The following SMTNL2 variants were observed in gnomAD, a reference collection of about 807,000 sequenced individuals.
The protein encoded by SMTNL2 is smoothelin like 2, also known as smoothelin-like protein 2.
A neutral mutation model predicts 44.1 loss-of-function variants in SMTNL2; 43 were observed. The ratio of observed to expected loss-of-function variants is 0.98; its 90% CI spans 0.76 to 1.26. The LOEUF (loss-of-function observed/expected upper bound fraction) is 1.26, where lower values mean the gene tolerates loss of function less well. SMTNL2 is among the 50% of genes most tolerant of loss of function. The pLI is 0.00. For synonymous variants in SMTNL2, 317 were observed against 287.6 expected (o/e 1.10, Z -1.03); for missense variants, 646 against 670.2 (o/e 0.96, Z 0.40).
chr17:4,593,059 G>T lies in SMTNL2; in HGVS notation c.618G>T (p.Arg206Ser). ...CGGCCATCACCCGAGTCTCTGACAG[G>T]TTCTCTGGGGAGACCTCAGCTGCGG... ...PVTAITRVSD[R>S]FSGETSAAAL... Residue 206 changes from arginine (R) to serine (S), a missense_variant, in exon 3 of 8, where the codon AGG becomes AGT. By Grantham distance (110) the Arg-to-Ser change is moderately radical. Transcript: ENST00000389313. 1 of 1,614,056 alleles carries T rather than the reference G, an allele frequency of 6.2e-7. No homozygotes were observed. Among genetic ancestry groups the T allele is most frequent in the Non-Finnish European group, 8.5e-7 (1 of 1,179,988 alleles).
In SMTNL2 at chr17:4,592,782, G is replaced by A; in HGVS notation, c.488-147G>A. ...TGGAGCAGTAAGATATCCCTGGTAGGGGAGGTCAGAGAGGCTGGAGCAGTC... is the reference window on the plus strand; with the variant it reads ...TGGAGCAGTAAGATATCCCTGGTAGAGGAGGTCAGAGAGGCTGGAGCAGTC... On this transcript the variant is annotated intron_variant, in intron 2 of 7. Coordinates refer to ENST00000389313, the MANE Select transcript of SMTNL2 (RefSeq NM_001114974.2). The surrounding 1 kb of genome is among the most constrained non-coding windows in gnomAD (Gnocchi z 4.5). The A allele has an allele frequency of 1.8e-6, 2 of 1,082,166 alleles. No individual in the cohort carries two copies. The highest frequency in any genetic ancestry group is 2.6e-6 in the Non-Finnish European group (2 of 764,252). 67.0% of individuals were successfully genotyped at this position (1,082,166 alleles called of 1,614,324 possible). A position where few individuals can be genotyped will look rare whatever the true frequency, so the allele number is the denominator to read the frequency against.
chr17:4,596,072 CGTGGT>C (rs1909796892), intron 5 of SMTNL2, among the ~76,000 whole-genome samples: 3 of 110,068 alleles, frequency 2.7e-5, no homozygotes, highest in Non-Finnish European at 6.4e-5. Flanking sequence ...GTGGCCCACG[CGTGGT>C]ATTGATGCCT....
At chr17:4,587,972 C>T (rs908215460) in intron 1 of SMTNL2, among the ~76,000 whole-genome samples, 7 of 152,166 alleles carry the variant, frequency 4.6e-5, no homozygotes, top group African/African-American at 1.4e-4. Context: ...TCCCTATGCC[C>T]GAGGCAGCGG....
Position 4,592,496 on chromosome 17 carries a change from A to G in SMTNL2, c.487+48A>G, listed in dbSNP as rs749996020. On this transcript the variant is annotated intron_variant, in intron 2 of 7. Transcript: ENST00000389313. The surrounding 1 kb of genome is among the most constrained non-coding windows in gnomAD (Gnocchi z 4.5). ...GGTGGCTGGGTAGGTTTGGGGGTTAAGTAAGGCCTTGGTCAGGTATCTGTG... is the reference window on the plus strand; with the variant it reads ...GGTGGCTGGGTAGGTTTGGGGGTTAGGTAAGGCCTTGGTCAGGTATCTGTG... 1.9e-5 allele frequency: 29 copies of G among 1,561,412 alleles called. No homozygotes were observed. Among genetic ancestry groups the G allele is most frequent in the Non-Finnish European group, 2.4e-5 (28 of 1,145,860 alleles).
intron 5 of SMTNL2, 83 bp from the exon 6 acceptor site, chr17:4,596,777 A>C (rs9906333): frequency 1.6e-6 from 2 of 1,246,090 alleles, no homozygotes; most frequent in Non-Finnish European, 2.1e-6. Context: ...TGGTGGTGCC[A>C]GGACAGCCTC....
chr17:4,596,754 G>A (rs935505722), intron 5 of SMTNL2, 106 bp from the exon 6 acceptor site: 1 of 1,017,164 alleles, frequency 9.8e-7, no homozygotes, highest in Non-Finnish European at 1.4e-6. Context: ...AGAGCAGGTG[G>A]GAGCACCCTC....
Position 4,598,538 on chromosome 17 carries a change from C to T in SMTNL2, c.1259+1215C>T, listed in dbSNP as rs1427620992. On this transcript the variant is annotated intron_variant, in intron 7 of 7. Transcript: ENST00000389313. This position sits in a 1 kb window ranked among gnomAD's most constrained non-coding sequence, Gnocchi z 4.8. The stretch of plus-strand genomic sequence containing the variant: ...CTCAGTGCCCACATTTAAGAGTGGT[C>T]CTTGGCCGGGCACGGTGGCTCCCAC... Among the ~76,000 whole-genome samples the T allele has an allele frequency of 1.3e-5, 2 of 152,126 alleles. No individual in the cohort carries two copies. Among genetic ancestry groups the T allele is most frequent in the Admixed American group, 6.5e-5 (1 of 15,270 alleles).
At chr17:4,604,861 G>A (rs894279785) in intron 7 of SMTNL2, among the ~76,000 whole-genome samples, 3 of 151,786 alleles carry the variant, frequency 2.0e-5, no homozygotes, top group Non-Finnish European at 2.9e-5. Flanking sequence ...AGTAGAGACA[G>A]GGTTTCACCA....
intron 7 of SMTNL2, among the ~76,000 whole-genome samples, chr17:4,606,159 G>GC (rs1002864179): frequency 1.1e-4 from 17 of 151,544 alleles, no homozygotes; most frequent in African/African-American, 3.4e-4. Flanking sequence ...TTCTTGCTCT[G>GC]CCCCCAGGCT....
chr17:4,589,929 C>T (rs1414852797), intron 1 of SMTNL2, among the ~76,000 whole-genome samples: 4 of 137,592 alleles, frequency 2.9e-5, no homozygotes, highest in African/African-American at 1.1e-4. Context: ...TGCCTTTGGA[C>T]GCACCTGGCT....
Position 4,593,806 on chromosome 17 carries a change from CCTCT to C in SMTNL2, c.731-11_731-8del. The C allele has an allele frequency of 6.2e-7, 1 of 1,612,846 alleles. No individual in the cohort carries two copies. The highest frequency in any genetic ancestry group is 8.5e-7 in the Non-Finnish European group (1 of 1,179,746). On this transcript the variant is annotated splice_polypyrimidine_tract_variant and intron_variant, in intron 3 of 7. Transcript: ENST00000389313. ...GGGGCCAGGGTTTGTTACTTCTCTC[CCTCT>C]CTCTTCCACAGAGAAGAATTCCTCT...
rs1202562304 is a variant in SMTNL2 at position 4,595,463 on chromosome 17, G to A, written c.989+136G>A. 2 of 1,293,898 alleles carry A rather than the reference G, an allele frequency of 1.5e-6. No individual in the cohort carries two copies. The highest frequency in any genetic ancestry group is 2.5e-5 in the East Asian group (1 of 39,380). 80.2% of individuals were successfully genotyped at this position (1,293,898 alleles called of 1,614,324 possible). A position where few individuals can be genotyped will look rare whatever the true frequency, so the allele number is the denominator to read the frequency against. ...GCTGTTGCCCAGGACAAGATCTCTT[G>A]GGCAAGGCACAAAGTTAGGGCTGGG... On this transcript the variant is annotated intron_variant, in intron 5 of 7. Coordinates refer to ENST00000389313, the MANE Select transcript of SMTNL2 (RefSeq NM_001114974.2). This position sits in a 1 kb window ranked among gnomAD's most constrained non-coding sequence, Gnocchi z 5.1.
intron 7 of SMTNL2, among the ~76,000 whole-genome samples, chr17:4,597,951 T>C (rs188275242): frequency 2.4e-4 from 36 of 152,204 alleles, no homozygotes; most frequent in African/African-American, 7.9e-4. Flanking sequence ...CAAAGTCAGG[T>C]CTGTCTGCCA....
chr17:4,586,209 C>T (rs369764853), intron 1 of SMTNL2, among the ~76,000 whole-genome samples: 4 of 152,132 alleles, frequency 2.6e-5, no homozygotes, highest in South Asian at 4.1e-4. Context: ...GGGCTTTGCC[C>T]GGCCTGTAAG....
intron 7 of SMTNL2, among the ~76,000 whole-genome samples, chr17:4,602,520 A>G (rs1291664165): frequency 1.3e-5 from 2 of 151,758 alleles, no homozygotes; most frequent in African/African-American, 4.8e-5. Context: ...ATGGGGTTTC[A>G]CCATGTTGGC....
At chr17:4,585,879 T>C (rs2326069) in intron 1 of SMTNL2, among the ~76,000 whole-genome samples, 146,799 of 152,206 alleles carry the variant, frequency 0.96, 70,895 homozygotes, top group East Asian at 1. Flanking sequence ...GGCTGGACCC[T>C]AGGGGGCCTG....
rs1013822294 is a variant in SMTNL2 at position 4,608,213 on chromosome 17, G to C, written c.*726G>C. The C allele has an allele frequency of 6.6e-6, 1 of 152,204 alleles. No homozygotes were observed. Among genetic ancestry groups the C allele is most frequent in the African/African-American group, 2.4e-5 (1 of 41,452 alleles). 9.4% of individuals were successfully genotyped at this position (152,204 alleles called of 1,614,324 possible). A position where few individuals can be genotyped will look rare whatever the true frequency, so the allele number is the denominator to read the frequency against. ...AATAGGCCCTTTGTGCTGAGAGAGA[G>C]TTTTTATTCACATCTTTTTTAGGGG... On this transcript the variant is annotated 3_prime_UTR_variant, in exon 8 of 8. Transcript: ENST00000389313.
In SMTNL2 at chr17:4,584,542, A is replaced by G. The variant is rs1457163575; in HGVS notation, c.-64A>G. ...CCACGGACGGCCAGTCGCGGCCCGG[A>G]GCTGCGGAGCTCGGATCTTCTCCCC... On this transcript the variant is annotated 5_prime_UTR_variant, in exon 1 of 8. Coordinates refer to ENST00000389313, the MANE Select transcript of SMTNL2 (RefSeq NM_001114974.2). 1.3e-5 allele frequency: 16 copies of G among 1,211,674 alleles called. No individual in the cohort carries two copies. Among genetic ancestry groups the G allele is most frequent in the South Asian group, 4.1e-5 (1 of 24,566 alleles). 75.1% of individuals were successfully genotyped at this position (1,211,674 alleles called of 1,614,324 possible).
intron 7 of SMTNL2, among the ~76,000 whole-genome samples, chr17:4,606,508 T>G (rs1910285113): frequency 6.6e-6 from 1 of 152,044 alleles, no homozygotes; most frequent in Non-Finnish European, 1.5e-5. Flanking sequence ...GTGCCTGTAA[T>G]CACAGCTACT....
Sources: allele counts gnomAD v4.1 joint callset (sites outside exome capture counted in the v4.1 genomes callset), GRCh38; gene constraint gnomAD v4.1.1; non-coding constraint Gnocchi (gnomAD v3.1); transcripts MANE v1.5; gene names NCBI Gene and HGNC (gene_info 2026-07-23, HGNC 2026-07-21).